The following NOL4 variants were observed in gnomAD, a reference collection of about 807,000 sequenced individuals.
NOL4 encodes the protein nucleolar protein 4, also known as cancer/testis antigen 125.
NOL4 carries 17 observed loss-of-function variants against 75.9 expected under a neutral mutation model. The ratio of observed to expected loss-of-function variants is 0.22; its 90% CI spans 0.15 to 0.34. The LOEUF is 0.34. Ranked by LOEUF, NOL4 falls within the 10% of genes least tolerant of loss-of-function variation. NOL4 has a pLI of 1.00. For synonymous variants in NOL4, 292 were observed against 289.9 expected (o/e 1.01, Z -0.07); for missense variants, 614 against 793.5 (o/e 0.77, Z 2.72).
chr18:34,038,256 T>C (rs2075997470), intron 5 of NOL4, among the ~76,000 whole-genome samples: 1 of 151,986 alleles, frequency 6.6e-6, no homozygotes, highest in Non-Finnish European at 1.5e-5. Context: ...TTGGCAAGGA[T>C]GTGGAGAAAA....
intron 5 of NOL4, among the ~76,000 whole-genome samples, chr18:34,023,826 G>A (rs2075177663): frequency 6.6e-6 from 1 of 151,984 alleles, no homozygotes; most frequent in South Asian, 2.1e-4. Flanking sequence ...ACTCCTTCTT[G>A]TCTAGAAGGT....
intron 4 of NOL4, among the ~76,000 whole-genome samples, chr18:34,102,341 C>T (rs1357238409): frequency 2.0e-5 from 3 of 151,982 alleles, no homozygotes; most frequent in African/African-American, 4.8e-5. Flanking sequence ...TGGATTAATG[C>T]TTATTCAAAT....
rs115412895 is a variant in NOL4 at position 34,006,908 on chromosome 18, C to G, written c.1056+12410G>C. 2.5e-3 allele frequency among the ~76,000 whole-genome samples: 383 copies of G among 152,024 alleles called. 3 individuals carry two copies. Among genetic ancestry groups the G allele is most frequent in the African/African-American group, 8.8e-3 (367 of 41,504 alleles). ...CAGCAATTAATGTATGATGCTGTGT[C>G]TTTGATAGCAGGATTTATGAGCCCA... On this transcript the variant is annotated intron_variant, in intron 6 of 10. Transcript: ENST00000261592.
At position 34,210,765 on chromosome 18, in the gene NOL4, T is replaced by C. The variant is rs561968417; in HGVS notation, c.264+12225A>G. Among the ~76,000 whole-genome samples the C allele has an allele frequency of 7.9e-5, 12 of 152,316 alleles. 2 individuals are homozygous for C. The highest frequency in any genetic ancestry group is 2.9e-4 in the African/African-American group (12 of 41,570). On this transcript the variant is annotated intron_variant, in intron 1 of 10. Coordinates refer to ENST00000261592, the MANE Select transcript of NOL4 (RefSeq NM_003787.5). ...ACTGTATTAACTATGTTGATTAAGT[T>C]TTAATTTTAGAGAGTGACCTTTTTT...
chr18:34,011,619 A>G (rs2074377952), intron 6 of NOL4, among the ~76,000 whole-genome samples: 1 of 151,898 alleles, frequency 6.6e-6, no homozygotes, highest in South Asian at 2.1e-4. Context: ...AAAGACAAGC[A>G]CACACACACA....
chr18:34,052,922 T>G (rs1026688878), intron 5 of NOL4, among the ~76,000 whole-genome samples: 1 of 151,960 alleles, frequency 6.6e-6, no homozygotes, highest in Non-Finnish European at 1.5e-5. Context: ...TATAGATGAT[T>G]AAAATATATT....
intron 8 of NOL4, among the ~76,000 whole-genome samples, chr18:33,945,164 A>G (rs1397837945): frequency 1.3e-5 from 2 of 151,940 alleles, no homozygotes; most frequent in Non-Finnish European, 2.9e-5. Context: ...AGAGAATCTA[A>G]ATAAAATATC....
intron 5 of NOL4, among the ~76,000 whole-genome samples, chr18:34,085,144 T>A (rs1190266464): frequency 6.6e-6 from 1 of 152,246 alleles, no homozygotes; most frequent in Non-Finnish European, 1.5e-5. Context: ...CAAAATTTAT[T>A]TGAATAAATT....
rs892862626 is a variant in NOL4 at position 34,198,487 on chromosome 18, A to G, written c.264+24503T>C. 2.0e-5 allele frequency among the ~76,000 whole-genome samples: 3 copies of G among 151,878 alleles called. No individual in the cohort carries two copies. In the East Asian group the frequency reaches 5.8e-4, roughly 29 times the overall value. On this transcript the variant is annotated intron_variant, in intron 1 of 10. Coordinates refer to ENST00000261592, the MANE Select transcript of NOL4 (RefSeq NM_003787.5). ...CAGTGTGCTTTTAAAAATTCCCATTATATTTTCAAATAAAAATTCACTTCT... is the reference window on the plus strand; with the variant it reads ...CAGTGTGCTTTTAAAAATTCCCATTGTATTTTCAAATAAAAATTCACTTCT...
At chr18:34,016,607 G>T (rs758113852) in intron 6 of NOL4, among the ~76,000 whole-genome samples, 5 of 151,960 alleles carry the variant, frequency 3.3e-5, no homozygotes, top group African/African-American at 4.8e-5. Context: ...TACATAATCA[G>T]AATAACTCCT....
At position 34,137,820 on chromosome 18, in the gene NOL4, A is replaced by G. The variant is rs1208198292; in HGVS notation, c.265-7800T>C. On this transcript the variant is annotated intron_variant, in intron 1 of 10. Transcript: ENST00000261592. ...CACACACACACACACGCACGCACACATACACACATTCAAAAGGAATAAGTT... is the reference window on the plus strand; with the variant it reads ...CACACACACACACACGCACGCACACGTACACACATTCAAAAGGAATAAGTT... 4.0e-5 allele frequency among the ~76,000 whole-genome samples: 6 copies of G among 150,130 alleles called. No individual in the cohort carries two copies. The Admixed American group carries it at 4.0e-4, about 10-fold the overall frequency.
chr18:33,947,801 A>C (rs1568110299), intron 8 of NOL4, among the ~76,000 whole-genome samples: 2 of 151,880 alleles, frequency 1.3e-5, no homozygotes, highest in African/African-American at 4.8e-5. Context: ...AATAATTATC[A>C]CTGCTCAAAT....
At chr18:33,910,455 A>T (rs1240916143) in intron 9 of NOL4, among the ~76,000 whole-genome samples, 1 of 151,752 alleles carries the variant, frequency 6.6e-6, no homozygotes, top group African/African-American at 2.4e-5. Flanking sequence ...CAGAACCTGG[A>T]TCCTGACAGA....
Position 34,019,465 on chromosome 18 carries a change from T to C in NOL4, c.909A>G (p.Pro303=), listed in dbSNP as rs552801449. The change falls in exon 6 of 11, where the codon CCA becomes CCG. Residue 303 remains proline (P), a synonymous_variant. Transcript: ENST00000261592. The part of the protein sequence containing the change: ...GKTGLEQDEQ[P]LNLSDSPLSA... ...AGAGGGGACTGTCACTCAGGTTCAG[T>C]GGCTGTTCATCTTGCTCCAGCCCAG... The C allele has an allele frequency of 5.1e-4, 828 of 1,614,030 alleles. 16 individuals are homozygous for C. In the South Asian group the frequency reaches 8.8e-3, roughly 17 times the overall value.
chr18:33,904,854 G>A (rs2065944229), intron 9 of NOL4, among the ~76,000 whole-genome samples: 1 of 152,124 alleles, frequency 6.6e-6, no homozygotes, highest in Non-Finnish European at 1.5e-5. Flanking sequence ...ATTTGAAGAA[G>A]ACTATGATGG....
intron 6 of NOL4, among the ~76,000 whole-genome samples, chr18:34,018,269 C>T (rs2074822512): frequency 6.6e-6 from 1 of 152,078 alleles, no homozygotes; most frequent in Non-Finnish European, 1.5e-5. Flanking sequence ...TGGCTTTAAA[C>T]CACTGAGGAG....
intron 6 of NOL4, among the ~76,000 whole-genome samples, chr18:33,988,760 A>G (rs1035786571): frequency 6.6e-6 from 1 of 152,026 alleles, no homozygotes; most frequent in African/African-American, 2.4e-5. Context: ...ACCACATGGT[A>G]TATACACTGT....
intron 1 of NOL4, among the ~76,000 whole-genome samples, chr18:34,204,895 A>C (rs1257827046): frequency 2.0e-5 from 3 of 152,180 alleles, no homozygotes; most frequent in Non-Finnish European, 2.9e-5. Context: ...TACTCATTTA[A>C]TCATCACAAT....
chr18:33,936,362 T>G (rs929836355), intron 9 of NOL4, among the ~76,000 whole-genome samples: 1 of 151,730 alleles, frequency 6.6e-6, no homozygotes, highest in Non-Finnish European at 1.5e-5. Context: ...ACTAAATATT[T>G]TTAGGTCCTG....
Sources: allele counts gnomAD v4.1 joint callset (sites outside exome capture counted in the v4.1 genomes callset), GRCh38; gene constraint gnomAD v4.1.1; transcripts MANE v1.5; gene names NCBI Gene and HGNC (gene_info 2026-07-23, HGNC 2026-07-21).